Variants in MME observed in about 807,000 individuals in gnomAD.
MME encodes neprilysin.
MME carries 98 observed loss-of-function variants against 113.2 expected under a neutral mutation model. That is an observed-to-expected ratio of 0.87 (90% CI 0.74 to 1.02). The LOEUF (loss-of-function observed/expected upper bound fraction) is 1.02. Among genes scored for constraint, MME ranks in the 50% least tolerant of loss-of-function variants. The pLI is 0.00. For synonymous variants in MME, 292 were observed against 300.6 expected (o/e 0.97, Z 0.30); for missense variants, 836 against 896.0 (o/e 0.93, Z 0.86).
At chr3:155,062,297 A>T (rs1014969226) in intron 1 of MME, among the ~76,000 whole-genome samples, 13 of 152,056 alleles carry the variant, frequency 8.5e-5, no homozygotes, top group African/African-American at 3.1e-4. Flanking sequence ...CTTGGTTTGG[A>T]TCTGTTGCTA....
intron 1 of MME, among the ~76,000 whole-genome samples, chr3:155,051,009 C>G (rs1469935834): frequency 6.6e-6 from 1 of 152,114 alleles, no homozygotes; most frequent in Non-Finnish European, 1.5e-5. Flanking sequence ...GAGGATATTT[C>G]TAAGCAAAGT....
At chr3:155,095,035 A>G (rs1034280839) in intron 3 of MME, among the ~76,000 whole-genome samples, 1 of 152,208 alleles carries the variant, frequency 6.6e-6, no homozygotes, top group Non-Finnish European at 1.5e-5. Context: ...CTGCAAAATA[A>G]GGTTGAGAAG....
chr3:155,109,782 CAT>C (rs1307622258), intron 3 of MME, among the ~76,000 whole-genome samples: 3 of 152,222 alleles, frequency 2.0e-5, no homozygotes, highest in African/African-American at 7.2e-5. Flanking sequence ...AGATGATTCA[CAT>C]GTTTAGCCAG....
At chr3:155,072,856 C>T (rs7627426) in intron 1 of MME, among the ~76,000 whole-genome samples, 7,503 of 152,028 alleles carry the variant, frequency 0.049, 346 homozygotes, top group African/African-American at 0.11. Context: ...AATTGTTTAC[C>T]AAAGTTTACC....
At chr3:155,128,057 G>C (rs1001390330) in intron 8 of MME, among the ~76,000 whole-genome samples, 1 of 152,128 alleles carries the variant, frequency 6.6e-6, no homozygotes, top group East Asian at 1.9e-4. Context: ...CTTCTTTCCT[G>C]CTAACCTGAG....
intron 1 of MME, among the ~76,000 whole-genome samples, chr3:155,062,505 A>G (rs1230980021): frequency 6.6e-6 from 1 of 152,210 alleles, no homozygotes; most frequent in Non-Finnish European, 1.5e-5. Context: ...GTGAAGAAAT[A>G]TAATATCAAA....
chr3:155,106,333 C>T (rs1336801732), intron 3 of MME, among the ~76,000 whole-genome samples: 1 of 152,188 alleles, frequency 6.6e-6, no homozygotes, highest in Admixed American at 6.5e-5. Context: ...GTCCAGTTTA[C>T]ACTCAGCATC....
chr3:155,135,932 G>C (rs76207154), intron 8 of MME, among the ~76,000 whole-genome samples: 2,498 of 152,180 alleles, frequency 0.016, 31 homozygotes, highest in Non-Finnish European at 0.025. Context: ...TCTTGATTTG[G>C]CTCTCAGCTT....
chr3:155,047,021 T>C (rs1713581842), intron 1 of MME, among the ~76,000 whole-genome samples: 2 of 152,204 alleles, frequency 1.3e-5, no homozygotes, highest in African/African-American at 4.8e-5. Flanking sequence ...TTGTTTTATA[T>C]AACTTTAGTG....
chr3:155,172,261 A>G (rs200002196), intron 21 of MME, 49 bp downstream of exon 21: 4 of 1,279,342 alleles, frequency 3.1e-6, no homozygotes, highest in Non-Finnish European at 3.4e-6. Flanking sequence ...TTTGAGTTAT[A>G]ATTTCACAGT....
chr3:155,073,648 C>T (rs1422908941), intron 1 of MME, among the ~76,000 whole-genome samples: 1 of 152,040 alleles, frequency 6.6e-6, no homozygotes, highest in Non-Finnish European at 1.5e-5. Context: ...AGAATTCTGG[C>T]CATTTATTAT....
chr3:155,151,548 A>C (rs1484400514), intron 16 of MME, among the ~76,000 whole-genome samples: 1 of 152,190 alleles, frequency 6.6e-6, no homozygotes, highest in African/African-American at 2.4e-5. Flanking sequence ...TTCAAATCCA[A>C]ATGTCTACAT....
chr3:155,168,863 T>A (rs1711602451), intron 20 of MME, 66 bp downstream of exon 20: 1 of 1,393,262 alleles, frequency 7.2e-7, no homozygotes, highest in Middle Eastern at 2.2e-4. Flanking sequence ...AATAATTCAT[T>A]TAAAACCTTT....
chr3:155,144,551 T>C (rs1721366495), intron 14 of MME, 94 bp downstream of exon 14: 1 of 807,174 alleles, frequency 1.2e-6, no homozygotes, highest in Non-Finnish European at 2.1e-6. Flanking sequence ...TAATCAAAGA[T>C]TGCATAAAAA....
At chr3:155,172,292 A>G (rs1712059055) in intron 21 of MME, 80 bp downstream of exon 21, 1 of 994,750 alleles carries the variant, frequency 1.0e-6, no homozygotes, top group African/African-American at 1.6e-5. Context: ...TCACATGCTG[A>G]GTTCCCTTGT....
Position 155,119,588 on chromosome 3 carries a change from C to A in MME, c.720+777C>A, listed in dbSNP as rs1360950979. Among the ~76,000 whole-genome samples, 6 of 126,048 alleles carry A rather than the reference C, an allele frequency of 4.8e-5. No individual in the cohort carries two copies. In the East Asian group the frequency reaches 9.9e-4, roughly 21 times the overall value. 82.7% of individuals were successfully genotyped at this position (126,048 alleles called of 152,430 possible). On this transcript the variant is annotated intron_variant, in intron 8 of 22. Coordinates refer to ENST00000360490, the MANE Select transcript of MME (RefSeq NM_007289.4). ...CCCCCTCCCCCCACCCCACCACAGT[C>A]CCCAGAGTGTGATATTCCCCTTCCT...
intron 16 of MME, among the ~76,000 whole-genome samples, chr3:155,154,996 A>G (rs1576652778): frequency 2.6e-5 from 4 of 152,328 alleles, no homozygotes; most frequent in Admixed American, 2.6e-4. Context: ...TGTTTTGCAC[A>G]TGTTGTAACA....
chr3:155,105,509 A>G (rs1235555933), intron 3 of MME, among the ~76,000 whole-genome samples: 1 of 152,168 alleles, frequency 6.6e-6, no homozygotes. Flanking sequence ...CCCCATACCT[A>G]GATTTTCTTA....
chr3:155,092,211 G>A (rs1716355097), intron 3 of MME, among the ~76,000 whole-genome samples: 1 of 152,142 alleles, frequency 6.6e-6, no homozygotes, highest in African/African-American at 2.4e-5. Flanking sequence ...CATCCTCACG[G>A]ATGCACCCAG....
Sources: gnomAD v4.1 joint callset for allele counts (sites outside exome capture counted in the v4.1 genomes callset) on GRCh38, gnomAD v4.1.1 for gene constraint, MANE v1.5 for transcripts, NCBI Gene and HGNC (gene_info 2026-07-23, HGNC 2026-07-21) for gene names.